Variants in VEZT observed in about 807,000 individuals in gnomAD.
VEZT encodes the protein vezatin.
A neutral mutation model predicts 79.9 loss-of-function variants in VEZT; 39 were observed. The observed-to-expected ratio is 0.49, with a 90% CI of 0.38 to 0.64. The LOEUF is 0.64. VEZT is among the 30% of genes least tolerant of loss of function. The pLI, the probability that VEZT is intolerant of heterozygous loss-of-function variation, is 0.00. For synonymous variants in VEZT, 325 were observed against 327.6 expected (o/e 0.99, Z 0.09); for missense variants, 837 against 893.1 (o/e 0.94, Z 0.80).
At chr12:95,245,934 G>A (rs564581395) in intron 1 of VEZT, among the ~76,000 whole-genome samples, 24 of 152,288 alleles carry the variant, frequency 1.6e-4, no homozygotes, top group African/African-American at 5.1e-4. Context: ...AGCTATGATC[G>A]TGCCATTGCA....
intron 2 of VEZT, among the ~76,000 whole-genome samples, chr12:95,253,611 G>A (rs532292874): frequency 9.9e-5 from 15 of 152,272 alleles, no homozygotes; most frequent in African/African-American, 3.1e-4. Flanking sequence ...GCAGCAGATG[G>A]TCATTGACCT....
At chr12:95,281,159 T>C (rs182736560) in intron 7 of VEZT, among the ~76,000 whole-genome samples, 24 of 152,286 alleles carry the variant, frequency 1.6e-4, no homozygotes, top group African/African-American at 5.5e-4. Flanking sequence ...TTCGGAGATA[T>C]TGTCCTCATC....
intron 1 of VEZT, among the ~76,000 whole-genome samples, chr12:95,225,959 G>A (rs942763288): frequency 2.0e-5 from 3 of 151,862 alleles, no homozygotes; most frequent in African/African-American, 7.3e-5. Flanking sequence ...GCTGGGCATG[G>A]TGGCATGCAT....
chr12:95,262,937 C>T lies in VEZT; in HGVS notation c.290C>T (p.Thr97Ile). The T allele has an allele frequency of 6.2e-7, 1 of 1,609,284 alleles. No individual in the cohort carries two copies. Among genetic ancestry groups the T allele is most frequent in the Non-Finnish European group, 8.5e-7 (1 of 1,176,526 alleles). ...DIGFRLDSLH[T>I]ILQQEVLLQE... ...GGATTCCGACTCGACTCATTACATA[C>T]CATCCTGCAACAGGAAGTCCTGTTA... The change falls in exon 4 of 12, where the codon ACC (threonine) becomes ATC (isoleucine). Residue 97 changes from threonine to isoleucine, a missense_variant. By Grantham distance (89) the Thr-to-Ile change is moderately conservative. Transcript: ENST00000436874.
intron 6 of VEZT, among the ~76,000 whole-genome samples, chr12:95,272,708 A>G (rs940490666): frequency 1.3e-5 from 2 of 152,208 alleles, no homozygotes; most frequent in African/African-American, 4.8e-5. Flanking sequence ...CTGTAAGGGG[A>G]TAGTATATGC....
chr12:95,286,729 A>T (rs572285160), intron 8 of VEZT: 37 of 420,954 alleles, frequency 8.8e-5, no homozygotes, highest in Admixed American at 5.7e-4. Context: ...CTGCGTGTCT[A>T]TCTAGTACAT....
At chr12:95,273,650 A>G (rs2067080769) in intron 6 of VEZT, among the ~76,000 whole-genome samples, 2 of 152,194 alleles carry the variant, frequency 1.3e-5, no homozygotes, top group African/African-American at 4.8e-5. Flanking sequence ...GACTATAGAA[A>G]AGGTTAGAAA....
At chr12:95,259,351 C>T (rs1038394173) in intron 3 of VEZT, among the ~76,000 whole-genome samples, 4 of 152,124 alleles carry the variant, frequency 2.6e-5, no homozygotes, top group African/African-American at 9.7e-5. Context: ...ATATATCCAA[C>T]GTGTGCTTTT....
At chr12:95,224,122 C>T (rs2058048709) in intron 1 of VEZT, 8 of 455,100 alleles carry the variant, frequency 1.8e-5, no homozygotes, top group South Asian at 3.1e-5. Flanking sequence ...CCCATAATTC[C>T]ACCCTGATCA....
chr12:95,261,005 T>TAAAA (rs10626291), intron 3 of VEZT, among the ~76,000 whole-genome samples: 4 of 131,288 alleles, frequency 3.0e-5, no homozygotes, highest in African/African-American at 1.1e-4. Context: ...CAGTAGATGG[T>TAAAA]AAAAAAAAAA....
intron 1 of VEZT, among the ~76,000 whole-genome samples, chr12:95,236,421 G>A (rs979597618): frequency 6.6e-6 from 1 of 152,174 alleles, no homozygotes; most frequent in Non-Finnish European, 1.5e-5. Context: ...TGGAAAGAGA[G>A]GGAGAGGGAG....
chr12:95,245,428 G>A (rs1159146200), intron 1 of VEZT: 3 of 447,594 alleles, frequency 6.7e-6, no homozygotes, highest in Non-Finnish European at 4.5e-6. Flanking sequence ...CCTTGATAAT[G>A]TTGAAAGCTT....
intron 9 of VEZT, among the ~76,000 whole-genome samples, chr12:95,293,127 G>A (rs1328642761): frequency 2.0e-5 from 3 of 152,190 alleles, no homozygotes; most frequent in African/African-American, 7.2e-5. Context: ...TAGGATTACA[G>A]GCGTGAGCCA....
At position 95,250,301 on chromosome 12, in the gene VEZT, T is replaced by A. The variant is rs1220384201; in HGVS notation, c.37-1639T>A. 2.4e-5 allele frequency among the ~76,000 whole-genome samples: 3 copies of A among 126,254 alleles called. 1 individual carries two copies. Among genetic ancestry groups the A allele is most frequent in the African/African-American group, 6.2e-5 (2 of 32,150 alleles). The allele number at this position is 126,254 out of a possible 152,430, so 82.8% of individuals were successfully genotyped here. A position where few individuals can be genotyped will look rare whatever the true frequency, so the allele number is the denominator to read the frequency against. On this transcript the variant is annotated intron_variant, in intron 1 of 11. Transcript: ENST00000436874. ...TTTATTATTTTTTTTTTTAATTTTT[T>A]AATTTTTTTTTTTTTTTGTGAGACA...
At chr12:95,265,279 T>A (rs2065318679) in intron 4 of VEZT, among the ~76,000 whole-genome samples, 1 of 152,016 alleles carries the variant, frequency 6.6e-6, no homozygotes, top group South Asian at 2.1e-4. Flanking sequence ...TTTGTTTCAA[T>A]TAAAGTAGTA....
At chr12:95,273,860 A>G (rs1210041021) in intron 6 of VEZT, among the ~76,000 whole-genome samples, 4 of 152,188 alleles carry the variant, frequency 2.6e-5, no homozygotes, top group African/African-American at 4.8e-5. Context: ...CCAAATAGGA[A>G]TATGCTAGAA....
At chr12:95,288,390 G>C (rs935951884) in intron 9 of VEZT, among the ~76,000 whole-genome samples, 1 of 152,086 alleles carries the variant, frequency 6.6e-6, no homozygotes, top group Non-Finnish European at 1.5e-5. Context: ...ATATAGTCTT[G>C]AGATTTTTCC....
intron 8 of VEZT, chr12:95,286,431 C>T (rs749046738): frequency 1.5e-5 from 8 of 536,064 alleles, no homozygotes; most frequent in Non-Finnish European, 3.0e-5. Context: ...CCTTCCATTT[C>T]ATGAGCAACA....
intron 1 of VEZT, chr12:95,242,088 A>T (rs1329081341): frequency 1.3e-5 from 2 of 152,226 alleles, no homozygotes; most frequent in East Asian, 3.8e-4. Flanking sequence ...GTTGATACAC[A>T]TGTGATTAAC....
Sources: allele counts gnomAD v4.1 joint callset (sites outside exome capture counted in the v4.1 genomes callset), GRCh38; gene constraint gnomAD v4.1.1; transcripts MANE v1.5; gene names NCBI Gene and HGNC (gene_info 2026-07-23, HGNC 2026-07-21).